The following FBXL14 variants were observed in gnomAD, a reference collection of about 807,000 sequenced individuals.
FBXL14 encodes the protein F-box/LRR-repeat protein 14.
In FBXL14, 11 loss-of-function variants were observed where a neutral mutation model predicts 24.5. That is an observed-to-expected ratio of 0.45 (90% confidence interval 0.28 to 0.74). The LOEUF is 0.74. FBXL14 is among the 30% of genes least tolerant of loss of function. The probability of loss-of-function intolerance (pLI) is 0.12; values close to 1 mark genes in which losing one functional copy is unlikely to be tolerated. For missense variants in FBXL14, 384 were observed against 545.6 expected, an observed-to-expected ratio of 0.70 and a Z score of 2.95; for synonymous variants, 294 against 240.4, an observed-to-expected ratio of 1.22 and a Z score of -2.06.
intron 1 of FBXL14, among the ~76,000 whole-genome samples, chr12:1,591,225 C>G (rs568833485): frequency 1.4e-4 from 21 of 152,120 alleles, no homozygotes; most frequent in Non-Finnish European, 2.2e-4. Flanking sequence ...TTGACTCACC[C>G]CCACATAGGA....
chr12:1,584,866 G>A (rs1455069173), intron 1 of FBXL14, among the ~76,000 whole-genome samples: 2 of 152,178 alleles, frequency 1.3e-5, no homozygotes, highest in Non-Finnish European at 2.9e-5. Context: ...GGGCAATGAA[G>A]TTAAGGTTTA....
intron 1 of FBXL14, among the ~76,000 whole-genome samples, chr12:1,586,593 A>G (rs999443275): frequency 1.7e-4 from 26 of 152,284 alleles, no homozygotes; most frequent in African/African-American, 6.3e-4. Flanking sequence ...TGCATTGGTC[A>G]TTAAGTCTAG....
chr12:1,580,320 G>A (rs943274046), intron 1 of FBXL14, among the ~76,000 whole-genome samples: 6 of 152,184 alleles, frequency 3.9e-5, no homozygotes, highest in Non-Finnish European at 8.8e-5. Context: ...TCAGGATCCC[G>A]TTCAATAGCG....
Position 1,594,107 on chromosome 12 carries a change from C to A in FBXL14, c.-41G>T. ...TCCGCGGCGCTGGGGGGAGGAGGCG[C>A]GGGCCCCGCCGCTCCGGCCTCGGGC... On this transcript the variant is annotated 5_prime_UTR_variant, in exon 1 of 2. Coordinates refer to ENST00000339235, the MANE Select transcript of FBXL14 (RefSeq NM_152441.3). The A allele has an allele frequency of 1.5e-6, 2 of 1,325,990 alleles. No individual in the cohort carries two copies. Among genetic ancestry groups the A allele is most frequent in the Non-Finnish European group, 1.9e-6 (2 of 1,042,334 alleles). The allele number at this position is 1,325,990 out of a possible 1,614,324, so 82.1% of individuals were successfully genotyped here.
chr12:1,592,739 G>T, intron 1 of FBXL14, 134 bp downstream of exon 1: 1 of 772,802 alleles, frequency 1.3e-6, no homozygotes. Context: ...CGAGCCTGAG[G>T]CTTCTGTCAT....
chr12:1,579,901 T>C lies in FBXL14; in HGVS notation c.1194+12972A>G, dbSNP rs2094462966. Among the ~76,000 whole-genome samples, 1 of 152,216 alleles carries C rather than the reference T, an allele frequency of 6.6e-6. No homozygotes were observed. The highest frequency in any genetic ancestry group is 1.5e-5 in the Non-Finnish European group (1 of 68,026). ...GAGAACTCAGGGCCAGCCTGAAATG[T>C]TCATCCTCATCGATTAATCCTTAAT... On this transcript the variant is annotated intron_variant, in intron 1 of 1. Coordinates refer to ENST00000339235, the MANE Select transcript of FBXL14 (RefSeq NM_152441.3). This position sits in a 1 kb window ranked among gnomAD's most constrained non-coding sequence, Gnocchi z 4.3.
intron 1 of FBXL14, among the ~76,000 whole-genome samples, chr12:1,572,375 A>G (rs2094446882): frequency 6.6e-6 from 1 of 152,246 alleles, no homozygotes; most frequent in Admixed American, 6.5e-5. Context: ...AGAGTTTCCT[A>G]CTGTACGTTT....
Position 1,570,318 on chromosome 12 carries a change from C to T in FBXL14, c.1195-3508G>A, listed in dbSNP as rs192586880. On this transcript the variant is annotated intron_variant, in intron 1 of 1. Coordinates refer to ENST00000339235, the MANE Select transcript of FBXL14 (RefSeq NM_152441.3). ...GGCCAAACCTGCTGGGGAAGTCAGC[C>T]GGGGTACAACATGTGTCCTTATACA... Among the ~76,000 whole-genome samples, 12 of 152,266 alleles carry T rather than the reference C, an allele frequency of 7.9e-5. No homozygotes were observed. In the South Asian group the frequency reaches 1.2e-3, roughly 16 times the overall value.
At chr12:1,582,316 A>G (rs1401409102) in intron 1 of FBXL14, among the ~76,000 whole-genome samples, 1 of 152,206 alleles carries the variant, frequency 6.6e-6, no homozygotes, top group African/African-American at 2.4e-5. Flanking sequence ...ATCAAGGAGC[A>G]GCCCTCCCAG....
chr12:1,578,260 C>T (rs756317692), intron 1 of FBXL14, among the ~76,000 whole-genome samples: 1 of 152,142 alleles, frequency 6.6e-6, no homozygotes, highest in Non-Finnish European at 1.5e-5. Flanking sequence ...CCCTGAAAGA[C>T]GTGAGATGCA....
intron 1 of FBXL14, among the ~76,000 whole-genome samples, chr12:1,572,204 C>T (rs2094446620): frequency 6.6e-6 from 1 of 152,192 alleles, no homozygotes; most frequent in Admixed American, 6.5e-5. Context: ...ACAATCCATG[C>T]AAGCTAGTGT....
chr12:1,568,690 C>G (rs866352646), intron 1 of FBXL14, among the ~76,000 whole-genome samples: 50 of 151,968 alleles, frequency 3.3e-4, no homozygotes, highest in Non-Finnish European at 5.4e-4. Context: ...TGTGAAACCC[C>G]CCTCTACTAA....
chr12:1,574,415 G>GCAC (rs1327400978), intron 1 of FBXL14, among the ~76,000 whole-genome samples: 31 of 144,592 alleles, frequency 2.1e-4, no homozygotes, highest in Admixed American at 4.1e-4. Flanking sequence ...GCTGGCGGCA[G>GCAC]TGGTGTGGGT....
chr12:1,581,788 AGG>A (rs1279775595), intron 1 of FBXL14, among the ~76,000 whole-genome samples: 1 of 152,108 alleles, frequency 6.6e-6, no homozygotes, highest in African/African-American at 2.4e-5. Flanking sequence ...TCAAATTCAA[AGG>A]TTGTTTCTGT....
At chr12:1,574,027 AAG>A (rs1555149023) in intron 1 of FBXL14, among the ~76,000 whole-genome samples, 3 of 150,788 alleles carry the variant, frequency 2.0e-5, no homozygotes, top group African/African-American at 7.4e-5. Flanking sequence ...AAAAAAAAAA[AAG>A]AGTGAAATGG....
At chr12:1,591,804 T>A (rs1374560936) in intron 1 of FBXL14, among the ~76,000 whole-genome samples, 1 of 152,166 alleles carries the variant, frequency 6.6e-6, no homozygotes, top group African/African-American at 2.4e-5. Flanking sequence ...CTGTGTGACC[T>A]TTTTGGGGGG....
In FBXL14 at chr12:1,567,552, C is replaced by G. The variant is rs980374502; in HGVS notation, c.1195-742G>C. Among the ~76,000 whole-genome samples, 2 of 152,228 alleles carry G rather than the reference C, an allele frequency of 1.3e-5. No individual in the cohort carries two copies. The highest frequency in any genetic ancestry group is 4.8e-5 in the African/African-American group (2 of 41,542). ...AATAACACATGTTGAAGGGACAGAG[C>G]AAGCTTCACAACCAGACTCAGAGAC... On this transcript the variant is annotated intron_variant, in intron 1 of 1. Transcript: ENST00000339235. The surrounding 1 kb of genome is among the most constrained non-coding windows in gnomAD (Gnocchi z 4.8).
chr12:1,587,172 G>C (rs1379322315), intron 1 of FBXL14, among the ~76,000 whole-genome samples: 3 of 149,422 alleles, frequency 2.0e-5, no homozygotes, highest in African/African-American at 7.4e-5. Context: ...GGGAGGCGGA[G>C]GTTGCAGGGA....
rs763128248 is a variant in FBXL14 at position 1,593,103 on chromosome 12, T to C, written c.964A>G (p.Ile322Val). 1.9e-6 allele frequency: 3 copies of C among 1,613,602 alleles called. No homozygotes were observed. Among genetic ancestry groups the C allele is most frequent in the South Asian group, 2.2e-5 (2 of 91,090 alleles). ...TGCATCTGCCGCACCATGCGGTTGATGCCATCATCACTGATGTGGCAGGAG... is the reference window on the plus strand; with the variant it reads ...TGCATCTGCCGCACCATGCGGTTGACGCCATCATCACTGATGTGGCAGGAG... ...LCSCHISDDG[I>V]NRMVRQMHGL... is the part of the protein sequence containing the mutation. Residue 322 changes from isoleucine to valine, a missense_variant, in exon 1 of 2, where the codon ATC becomes GTC. Coordinates refer to ENST00000339235, the MANE Select transcript of FBXL14 (RefSeq NM_152441.3). The surrounding 1 kb of genome is among the most constrained non-coding windows in gnomAD (Gnocchi z 7.4).
Sources: gnomAD v4.1 joint callset for allele counts (sites outside exome capture counted in the v4.1 genomes callset) on GRCh38, gnomAD v4.1.1 for gene constraint, Gnocchi (gnomAD v3.1) non-coding constraint, MANE v1.5 for transcripts, NCBI Gene and HGNC (gene_info 2026-07-23, HGNC 2026-07-21) for gene names.